The following WDR3 variants were observed in gnomAD, a reference collection of about 807,000 sequenced individuals.
WDR3 encodes WD repeat-containing protein 3.
In WDR3, 81 loss-of-function variants were observed where a neutral mutation model predicts 123.7. The ratio of observed to expected loss-of-function variants is 0.65; its 90% CI spans 0.55 to 0.79. The LOEUF (loss-of-function observed/expected upper bound fraction) is 0.79, where lower values mean the gene tolerates loss of function less well. Ranked by LOEUF, WDR3 falls within the 30% of genes least tolerant of loss-of-function variation. The pLI is 0.00. For missense variants in WDR3, 1,027 were observed against 1,123.2 expected, an observed-to-expected ratio of 0.91 and a Z score of 1.22; for synonymous variants, 390 against 388.8, an observed-to-expected ratio of 1.00 and a Z score of -0.04.
rs891743956 is a variant in WDR3, at chr1:117,966,416, T to C, written c.*6969T>C. On this transcript the variant is annotated 3_prime_UTR_variant, in exon 27 of 27. Transcript: ENST00000349139. ...ATCTGAAGTTACTGCACATATACTA[T>C]GTGTCAGGTATTTTTTTAGATTTGG... 3.5e-5 allele frequency: 17 copies of C among 480,396 alleles called. No homozygotes were observed. Among genetic ancestry groups the C allele is most frequent in the African/African-American group, 2.7e-4 (14 of 51,070 alleles). 29.8% of individuals were successfully genotyped at this position (480,396 alleles called of 1,614,324 possible).
intron 17 of WDR3, 71 bp from the exon 18 acceptor site, chr1:117,952,226 A>G (rs1651644264): frequency 3.4e-6 from 5 of 1,475,800 alleles, no homozygotes; most frequent in African/African-American, 1.4e-5. Context: ...GTCAAAAGCT[A>G]TTTATGTGTG....
chr1:117,944,676 C>A (rs1247644089), intron 11 of WDR3, among the ~76,000 whole-genome samples: 1 of 152,098 alleles, frequency 6.6e-6, no homozygotes, highest in Non-Finnish European at 1.5e-5. Flanking sequence ...GTAGTCTAAA[C>A]CTTGTAGCCA....
chr1:117,943,714 T>A, intron 11 of WDR3, 88 bp downstream of exon 11: 1 of 1,133,876 alleles, frequency 8.8e-7, no homozygotes. Context: ...TATTAACTCC[T>A]TAAGGCCCTA....
intron 3 of WDR3, among the ~76,000 whole-genome samples, chr1:117,936,177 T>C (rs1229591599): frequency 6.6e-6 from 1 of 152,068 alleles, no homozygotes; most frequent in Non-Finnish European, 1.5e-5. Flanking sequence ...TCCCTGCTGG[T>C]TCTATAGATT....
intron 16 of WDR3, 41 bp downstream of exon 16, chr1:117,950,931 T>G (rs1342069567): frequency 6.6e-7 from 1 of 1,511,074 alleles, no homozygotes; most frequent in East Asian, 2.3e-5. Flanking sequence ...TGTTGTCTTT[T>G]TTACAGCAGA....
rs1432646004 is a variant in WDR3, at chr1:117,960,728, T to C, written c.*1281T>C. 6.6e-6 allele frequency: 1 copy of C among 152,268 alleles called. No individual in the cohort carries two copies. Among genetic ancestry groups the C allele is most frequent in the Non-Finnish European group, 1.5e-5 (1 of 68,050 alleles). The allele number at this position is 152,268 out of a possible 1,614,324, so 9.4% of individuals were successfully genotyped here. On this transcript the variant is annotated 3_prime_UTR_variant, in exon 27 of 27. Transcript: ENST00000349139. ...ACATACTGTGTATTACAGTTCATTT[T>C]ATGCAGCTATGATTTAATACTGCAT...
chr1:117,959,202 C>G (rs1282698291), intron 26 of WDR3, 90 bp from the exon 27 acceptor site: 1 of 1,479,562 alleles, frequency 6.8e-7, no homozygotes, highest in East Asian at 2.3e-5. Context: ...GTAACAACAC[C>G]TGAAGCTTTG....
rs1400585200 is a variant in WDR3 at position 117,952,389 on chromosome 1, A to G, written c.1997A>G (p.Glu666Gly). ...AAACAGTGGGATGCAGACAAATTTG[A>G]ACACATACAGACTCTGGAGGTAACC... ...KIKQWDADKF[E>G]HIQTLEGHHQ... Residue 666 changes from glutamate to glycine, a missense_variant, in exon 18 of 27, where the codon GAA becomes GGA. Coordinates refer to ENST00000349139, the MANE Select transcript of WDR3 (RefSeq NM_006784.3). The G allele has an allele frequency of 1.2e-6, 2 of 1,613,064 alleles. No homozygotes were observed. Among genetic ancestry groups the G allele is most frequent in the African/African-American group, 2.7e-5 (2 of 74,898 alleles).
At chr1:117,952,850 A>G in intron 19 of WDR3, 96 bp from the exon 20 acceptor site, 4 of 1,481,938 alleles carry the variant, frequency 2.7e-6, no homozygotes, top group Non-Finnish European at 3.7e-6. Context: ...TTAGGGTATT[A>G]TGTTGTCAAA....
At chr1:117,958,766 G>GA (rs1325961425) in intron 25 of WDR3, 144 bp from the exon 26 acceptor site, 1 of 545,834 alleles carries the variant, frequency 1.8e-6, no homozygotes, top group South Asian at 2.8e-5. Context: ...AACTTCTTTG[G>GA]CTTTTTTTTT....
At chr1:117,947,887 AT>A (rs200384270) in intron 12 of WDR3, among the ~76,000 whole-genome samples, 3 of 151,682 alleles carry the variant, frequency 2.0e-5, no homozygotes, top group Admixed American at 6.6e-5. Context: ...TGCCATTATG[AT>A]TTTTTTTTAA....
At position 117,963,554 on chromosome 1, in the gene WDR3, C is replaced by T. The variant is rs560790264; in HGVS notation, c.*4107C>T. On this transcript the variant is annotated 3_prime_UTR_variant, in exon 27 of 27. Transcript: ENST00000349139. The stretch of plus-strand genomic sequence containing the variant: ...GATTTTTTCTATTGTTTAGTAGAGA[C>T]GGGGTTTCACCAAGTTAGCCAGGAT... The T allele has an allele frequency of 4.8e-5, 12 of 248,578 alleles. No individual in the cohort carries two copies. The highest frequency in any genetic ancestry group is 1.5e-4 in the East Asian group (2 of 13,016). 15.4% of individuals were successfully genotyped at this position (248,578 alleles called of 1,614,324 possible). A position where few individuals can be genotyped will look rare whatever the true frequency, so the allele number is the denominator to read the frequency against.
chr1:117,940,997 T>G, intron 7 of WDR3, 57 bp downstream of exon 7: 1 of 1,580,204 alleles, frequency 6.3e-7, no homozygotes, highest in Non-Finnish European at 8.6e-7. Flanking sequence ...AAGTAAGAAT[T>G]GCAGATTTTT....
intron 3 of WDR3, among the ~76,000 whole-genome samples, chr1:117,934,971 A>T (rs1483153203): frequency 6.6e-6 from 1 of 152,258 alleles, no homozygotes; most frequent in Non-Finnish European, 1.5e-5. Flanking sequence ...ATAAGGAAAG[A>T]AAACAAAGAC....
intron 25 of WDR3, among the ~76,000 whole-genome samples, 163 bp downstream of exon 25, chr1:117,957,359 T>C (rs1652368253): frequency 6.6e-6 from 1 of 152,216 alleles, no homozygotes; most frequent in African/African-American, 2.4e-5. Flanking sequence ...GGTGGATTGC[T>C]TGAGCCCAGA....
At chr1:117,954,903 T>A (rs1651943959) in intron 23 of WDR3, among the ~76,000 whole-genome samples, 1 of 152,148 alleles carries the variant, frequency 6.6e-6, no homozygotes, top group African/African-American at 2.4e-5. Flanking sequence ...CTCTGAAGAT[T>A]CTGTTAATCT....
chr1:117,935,877 T>C (rs1206211731), intron 3 of WDR3, among the ~76,000 whole-genome samples: 1 of 151,832 alleles, frequency 6.6e-6, no homozygotes, highest in Non-Finnish European at 1.5e-5. Context: ...ATTTTCAATA[T>C]AAAAAGAAAG....
At chr1:117,931,168 C>G (rs1419202229) in intron 1 of WDR3, among the ~76,000 whole-genome samples, 1 of 152,188 alleles carries the variant, frequency 6.6e-6, no homozygotes, top group African/African-American at 2.4e-5. Flanking sequence ...CTCTTGACTC[C>G]TAGGCCTTGG....
In WDR3 at chr1:117,933,367, T is replaced by C; in HGVS notation, c.48T>C (p.Phe16=). The C allele has an allele frequency of 6.2e-7, 1 of 1,614,216 alleles. No individual in the cohort carries two copies. The highest frequency in any genetic ancestry group is 8.5e-7 in the Non-Finnish European group (1 of 1,180,038). ...QYLRYVASAV[F]GVIGSQKGNI... The stretch of plus-strand genomic sequence containing the variant: ...TACGCTATGTTGCTAGTGCGGTCTT[T>C]GGCGTTATCGGCAGCCAAAAAGGTA... The change falls in exon 2 of 27, where the codon TTT becomes TTC. Residue 16 remains phenylalanine, a synonymous_variant. Transcript: ENST00000349139.
Sources: allele counts gnomAD v4.1 joint callset (sites outside exome capture counted in the v4.1 genomes callset), GRCh38; gene constraint gnomAD v4.1.1; transcripts MANE v1.5; gene names NCBI Gene and HGNC (gene_info 2026-07-23, HGNC 2026-07-21).